TTC8: variants seen among roughly 807,000 people sequenced by gnomAD.
The protein encoded by TTC8 is tetratricopeptide repeat protein 8.
A neutral mutation model predicts 72.5 loss-of-function variants in TTC8; 47 were observed. The observed-to-expected ratio is 0.65, with a 90% CI of 0.51 to 0.83. The LOEUF is 0.83. Among genes scored for constraint, TTC8 ranks in the 40% least tolerant of loss-of-function variants. The pLI is 0.00. For missense variants in TTC8, 611 were observed against 623.2 expected (o/e 0.98, Z 0.21); for synonymous variants, 199 against 221.4 (o/e 0.90, Z 0.90).
At chr14:88,838,475 C>G (rs924333788) in intron 2 of TTC8, among the ~76,000 whole-genome samples, 1 of 152,070 alleles carries the variant, frequency 6.6e-6, no homozygotes, top group Non-Finnish European at 1.5e-5. Context: ...CCATATATTC[C>G]TAGTATACTG....
At chr14:88,841,280 T>C in intron 5 of TTC8, 84 bp downstream of exon 5, 1 of 1,595,074 alleles carries the variant, frequency 6.3e-7, no homozygotes, top group Non-Finnish European at 8.6e-7. Context: ...CATTTTCCCC[T>C]GTTGTTATAG....
chr14:88,843,900 T>C lies in TTC8; in HGVS notation c.624+50T>C, dbSNP rs1022322949. 9.6e-6 allele frequency: 13 copies of C among 1,352,268 alleles called. 1 individual carries two copies. The Admixed American group carries it at 9.8e-5, about 10-fold the overall frequency. The allele number at this position is 1,352,268 out of a possible 1,614,324, so 83.8% of individuals were successfully genotyped here. On this transcript the variant is annotated intron_variant, in intron 7 of 14. Coordinates refer to ENST00000380656, the MANE Select transcript of TTC8 (RefSeq NM_144596.4). ...TCTTTTATTGTAATTTTTCTGACTT[T>C]GGAAGTTTAGATTCTGAAATATTCT...
intron 10 of TTC8, among the ~76,000 whole-genome samples, chr14:88,867,822 A>C (rs10134036): frequency 6.6e-6 from 1 of 152,064 alleles, no homozygotes; most frequent in Admixed American, 6.5e-5. Context: ...CCTTCTTTGC[A>C]TTGGGCGTTG....
At chr14:88,860,587 C>T (rs2094880959) in intron 9 of TTC8, among the ~76,000 whole-genome samples, 1 of 152,152 alleles carries the variant, frequency 6.6e-6, no homozygotes, top group African/African-American at 2.4e-5. Context: ...TTTCTTAATG[C>T]CAGCCTATAG....
At chr14:88,869,187 G>T (rs1262013120) in intron 10 of TTC8, among the ~76,000 whole-genome samples, 2 of 152,186 alleles carry the variant, frequency 1.3e-5, no homozygotes, top group African/African-American at 4.8e-5. Flanking sequence ...CTTCATGAAG[G>T]ATGTGGAGCC....
chr14:88,859,909 TATA>T (rs528434367), intron 9 of TTC8, among the ~76,000 whole-genome samples: 605 of 144,796 alleles, frequency 4.2e-3, no homozygotes, highest in Non-Finnish European at 6.6e-3. Context: ...ATAATATAAA[TATA>T]ATAACTATAT....
chr14:88,857,116 CTA>C (rs913110087), intron 8 of TTC8, 72 bp from the exon 9 acceptor site: 11 of 1,279,480 alleles, frequency 8.6e-6, no homozygotes, highest in Non-Finnish European at 1.3e-5. Flanking sequence ...TAATTTGTCT[CTA>C]TTCATCCTCA....
downstream of TTC8, chr14:88,879,036 A>G (rs1398157288): frequency 6.6e-6 from 1 of 152,054 alleles, no homozygotes; most frequent in Non-Finnish European, 1.5e-5. Context: ...ACCATTTAAA[A>G]TGAACATTGT....
chr14:88,843,774 C>A, intron 6 of TTC8, 32 bp from the exon 7 acceptor site: 1 of 1,540,692 alleles, frequency 6.5e-7, no homozygotes. Context: ...AAAAAAAAAT[C>A]TAACGTATTT....
At chr14:88,869,081 A>T (rs1444576673) in intron 10 of TTC8, among the ~76,000 whole-genome samples, 2 of 152,200 alleles carry the variant, frequency 1.3e-5, no homozygotes, top group African/African-American at 4.8e-5. Context: ...AATGAAAAGT[A>T]TGAGTCCTTC....
Position 88,841,437 on chromosome 14 carries a change from A to G in TTC8, c.502A>G (p.Thr168Ala). The G allele has an allele frequency of 6.2e-7, 1 of 1,613,828 alleles. No homozygotes were observed. The highest frequency in any genetic ancestry group is 8.5e-7 in the Non-Finnish European group (1 of 1,179,866). ...FVRLGTASML[T>A]SPDGPFINLS... is the part of the protein sequence containing the mutation. ...TTTTCCTCTGTAGGCTTCCATGCTT[A>G]CAAGTCCTGATGGACCATTTATAAA... The change falls in exon 6 of 15, where the codon ACA becomes GCA. Residue 168 changes from threonine (T) to alanine (A), a missense_variant. By Grantham distance (58) the Thr-to-Ala change is moderately conservative. Coordinates refer to ENST00000380656, the MANE Select transcript of TTC8 (RefSeq NM_144596.4).
intron 4 of TTC8, 22 bp downstream of exon 4, chr14:88,840,950 C>A (rs1247878771): frequency 6.2e-7 from 1 of 1,614,060 alleles, no homozygotes; most frequent in Non-Finnish European, 8.5e-7. Flanking sequence ...TGCTTCATAA[C>A]CTCTGCCACT....
chr14:88,840,528 A>G (rs7141448), intron 3 of TTC8, among the ~76,000 whole-genome samples: 74,826 of 151,988 alleles, frequency 0.49, 20,465 homozygotes, highest in African/African-American at 0.74. Context: ...TGAACTATGA[A>G]GATAGAACCA....
At chr14:88,832,318 A>G (rs1201142023) in intron 1 of TTC8, among the ~76,000 whole-genome samples, 1 of 152,200 alleles carries the variant, frequency 6.6e-6, no homozygotes, top group Non-Finnish European at 1.5e-5. Flanking sequence ...AGCATCCAGT[A>G]TCAGTGGCTT....
intron 1 of TTC8, chr14:88,830,783 C>T: frequency 2.2e-6 from 1 of 449,528 alleles, no homozygotes; most frequent in Non-Finnish European, 4.5e-6. Flanking sequence ...AGAACTACAA[C>T]TGAGAGCGAC....
intron 13 of TTC8, among the ~76,000 whole-genome samples, chr14:88,872,848 T>C (rs1310981618): frequency 1.3e-5 from 2 of 152,174 alleles, no homozygotes; most frequent in African/African-American, 4.8e-5. Flanking sequence ...CCTGTCATTC[T>C]GACCTCAGAG....
At chr14:88,863,792 C>T (rs540014519) in intron 10 of TTC8, among the ~76,000 whole-genome samples, 1 of 152,202 alleles carries the variant, frequency 6.6e-6, no homozygotes, top group African/African-American at 2.4e-5. Flanking sequence ...TATTTGATTA[C>T]TTCTGGCAGA....
rs1234773427 is a variant in TTC8 at position 88,840,903 on chromosome 14, A to G, written c.304A>G (p.Thr102Ala). The change falls in exon 4 of 15, where the codon ACA becomes GCA. Residue 102 changes from threonine (T) to alanine (A), a missense_variant. Coordinates refer to ENST00000380656, the MANE Select transcript of TTC8 (RefSeq NM_144596.4). ...TSLKLPGTNQ[T>A]GGPSQAVRPI... The stretch of plus-strand genomic sequence containing the variant: ...TTTGAAACTCCCTGGAACTAATCAG[A>G]CAGGAGGGCCTAGCCAGGCCGTTAG... 5 of 1,614,158 alleles carry G rather than the reference A, an allele frequency of 3.1e-6. No homozygotes were observed. Among genetic ancestry groups the G allele is most frequent in the Non-Finnish European group, 4.2e-6 (5 of 1,180,008 alleles).
intron 2 of TTC8, chr14:88,836,839 C>G (rs1024833762): frequency 6.4e-6 from 1 of 155,408 alleles, no homozygotes; most frequent in African/African-American, 2.4e-5. Flanking sequence ...GAGGGTGGAT[C>G]ACCTGAGGTC....
Sources: gnomAD v4.1 joint callset for allele counts (sites outside exome capture counted in the v4.1 genomes callset) on GRCh38, gnomAD v4.1.1 for gene constraint, MANE v1.5 for transcripts, NCBI Gene and HGNC (gene_info 2026-07-23, HGNC 2026-07-21) for gene names.